The following SLC23A1 variants were observed in gnomAD, a reference collection of about 807,000 sequenced individuals.
The protein encoded by SLC23A1 is Na(+)/L-ascorbic acid transporter 1.
In SLC23A1, 31 loss-of-function variants were observed where a neutral mutation model predicts 62.5. The ratio of observed to expected loss-of-function variants is 0.50; its 90% CI spans 0.37 to 0.67. The LOEUF (loss-of-function observed/expected upper bound fraction) is 0.67. Among genes scored for constraint, SLC23A1 ranks in the 30% least tolerant of loss-of-function variants. The pLI, the probability that SLC23A1 is intolerant of heterozygous loss-of-function variation, is 0.00. For synonymous variants in SLC23A1, 271 were observed against 313.2 expected (o/e 0.87, Z 1.42); for missense variants, 640 against 782.7 (o/e 0.82, Z 2.18).
rs745598635 is a variant in SLC23A1 at position 139,378,089 on chromosome 5, G to C, written c.1339C>G (p.Leu447Val). 3 of 1,614,232 alleles carry C rather than the reference G, an allele frequency of 1.9e-6. No homozygotes were observed. Among genetic ancestry groups the C allele is most frequent in the South Asian group, 2.2e-5 (2 of 91,082 alleles). ...GAGGAGTTCATGTCCACAAATTGCAGGTTGGACAGCCCCACAGCTGTAATC... is the reference window on the plus strand; with the variant it reads ...GAGGAGTTCATGTCCACAAATTGCACGTTGGACAGCCCCACAGCTGTAATC... ...GMITAVGLSN[L>V]QFVDMNSSRN... is the part of the protein sequence containing the mutation. The change falls in exon 12 of 15, where the codon CTG becomes GTG. Residue 447 changes from leucine to valine, a missense_variant. Transcript: ENST00000348729. The surrounding 1 kb of genome is among the most constrained non-coding windows in gnomAD (Gnocchi z 4.5).
chr5:139,375,419 T>C (rs896940559), intron 13 of SLC23A1, among the ~76,000 whole-genome samples: 5 of 152,134 alleles, frequency 3.3e-5, no homozygotes, highest in Non-Finnish European at 7.4e-5. Context: ...TACTCTCAGC[T>C]CTTCAGGAGG....
upstream of SLC23A1, among the ~76,000 whole-genome samples, chr5:139,384,932 G>A (rs1403598912): frequency 6.6e-6 from 1 of 152,168 alleles, no homozygotes; most frequent in Non-Finnish European, 1.5e-5. Context: ...GGCAGGTCCT[G>A]GAACAGGTGA....
Position 139,377,383 on chromosome 5 carries a change from TC to T in SLC23A1, c.1549+18del. On this transcript the variant is annotated intron_variant, in intron 13 of 14. Coordinates refer to ENST00000348729, the MANE Select transcript of SLC23A1 (RefSeq NM_005847.5). ...AGTCCAGCCTAGTTCTTCATTCCCCTCCCAGGACCGAACCATACCTGGCACT... is the reference window on the plus strand; with the variant it reads ...AGTCCAGCCTAGTTCTTCATTCCCCTCCAGGACCGAACCATACCTGGCACT... 1 of 1,419,998 alleles carries T rather than the reference TC, an allele frequency of 7.0e-7. No individual in the cohort carries two copies. The highest frequency in any genetic ancestry group is 1.0e-6 in the Non-Finnish European group (1 of 1,002,842). 88.0% of individuals were successfully genotyped at this position (1,419,998 alleles called of 1,614,324 possible).
Position 139,378,829 on chromosome 5 carries a change from A to T in SLC23A1, c.1074-145T>A. ...CTCCCTACTACAGGCCAGAATGCTC[A>T]GGCTCCAGAGCTAGTCCTAGTGCCC... On this transcript the variant is annotated intron_variant, in intron 9 of 14. Transcript: ENST00000348729. This position sits in a 1 kb window ranked among gnomAD's most constrained non-coding sequence, Gnocchi z 4.5. The T allele has an allele frequency of 4.5e-6, 3 of 663,448 alleles. No homozygotes were observed. Among genetic ancestry groups the T allele is most frequent in the Non-Finnish European group, 5.3e-6 (2 of 375,768 alleles). 41.1% of individuals were successfully genotyped at this position (663,448 alleles called of 1,614,324 possible).
At chr5:139,370,470 CTTTATTTATTTATTTATTTATTTATTTA>C (rs70982775) in intron 14 of SLC23A1, among the ~76,000 whole-genome samples, 1 of 140,200 alleles carries the variant, frequency 7.1e-6, no homozygotes, top group South Asian at 2.4e-4. Context: ...CGCACCCAGC[CTTTATTTATTTATTTATTTATTTATTTA>C]TTTATTTATT....
In SLC23A1 at chr5:139,378,736, G is replaced by T; in HGVS notation, c.1074-52C>A. ...TGGTCCAGCCTCTGCACCAGTCTGT[G>T]TTCCCCCATCATCTTAGCAAGCTGC... On this transcript the variant is annotated intron_variant, in intron 9 of 14. Transcript: ENST00000348729. This position sits in a 1 kb window ranked among gnomAD's most constrained non-coding sequence, Gnocchi z 4.5. 1.5e-6 allele frequency: 2 copies of T among 1,353,668 alleles called. No homozygotes were observed. The highest frequency in any genetic ancestry group is 1.4e-5 in the African/African-American group (1 of 69,506). The allele number at this position is 1,353,668 out of a possible 1,614,324, so 83.9% of individuals were successfully genotyped here. A position where few individuals can be genotyped will look rare whatever the true frequency, so the allele number is the denominator to read the frequency against.
At chr5:139,384,410 C>T (rs1160719676), upstream of SLC23A1, 21 of 1,289,708 alleles carry the variant, frequency 1.6e-5, no homozygotes, top group Non-Finnish European at 2.1e-5. Context: ...CAAGGGGCAG[C>T]ACCGCTCTCC....
At chr5:139,368,356 A>C (rs114317449) in intron 14 of SLC23A1, among the ~76,000 whole-genome samples, 21 of 151,404 alleles carry the variant, frequency 1.4e-4, no homozygotes, top group South Asian at 6.3e-4. Flanking sequence ...AAAAAACTAA[A>C]TAAATAAATA....
In SLC23A1 at chr5:139,372,215, C is replaced by G; in HGVS notation, c.1588G>C (p.Gly530Arg). ...GACATGTCACTGTTGGCATGAGCCCCAGCTTTCCACTGTATCAGACCACGC... is the reference window on the plus strand; with the variant it reads ...GACATGTCACTGTTGGCATGAGCCCGAGCTTTCCACTGTATCAGACCACGC... ...EERGLIQWKA[G>R]AHANSDMSSS... The change falls in exon 14 of 15, where the codon GGG (glycine) becomes CGG (arginine). Residue 530 changes from glycine to arginine, a missense_variant. Physicochemically the swap from Gly to Arg is moderately radical, Grantham distance 125. Transcript: ENST00000348729. 1.2e-6 allele frequency: 2 copies of G among 1,613,824 alleles called. No homozygotes were observed. The highest frequency in any genetic ancestry group is 1.7e-6 in the Non-Finnish European group (2 of 1,179,700).
At position 139,367,474 on chromosome 5, in the gene SLC23A1, C is replaced by G. The variant is rs1187695078; in HGVS notation, c.*177G>C. ...GACTCAGACTTTGGCCCATTCCCCC[C>G]CACCCCTTTTTTTTTAACTGATGCA... On this transcript the variant is annotated 3_prime_UTR_variant, in exon 15 of 15. Coordinates refer to ENST00000348729, the MANE Select transcript of SLC23A1 (RefSeq NM_005847.5). 6.6e-6 allele frequency: 1 copy of G among 152,052 alleles called. No homozygotes were observed. The highest frequency in any genetic ancestry group is 1.9e-4 in the East Asian group (1 of 5,186). 9.4% of individuals were successfully genotyped at this position (152,052 alleles called of 1,614,324 possible). A position where few individuals can be genotyped will look rare whatever the true frequency, so the allele number is the denominator to read the frequency against.
At chr5:139,369,144 A>G (rs1161255679) in intron 14 of SLC23A1, 4 of 171,876 alleles carry the variant, frequency 2.3e-5, no homozygotes, top group African/African-American at 9.5e-5. Flanking sequence ...CTTTAAAATC[A>G]GTACATTTAA....
At position 139,383,247 on chromosome 5, in the gene SLC23A1, C is replaced by T; in HGVS notation, c.7G>A (p.Ala3Thr). The T allele has an allele frequency of 6.5e-7, 1 of 1,534,514 alleles. No individual in the cohort carries two copies. The highest frequency in any genetic ancestry group is 1.1e-5 in the South Asian group (1 of 87,898). The change falls in exon 1 of 15, where the codon GCC becomes ACC. Residue 3 changes from alanine to threonine, a missense_variant. Ala to Thr is a moderately conservative substitution (Grantham distance 58). Transcript: ENST00000348729. MR[A>T]QEDLEGRTQH... Reference sequence around the variant, plus strand: ...GTCCGGCCCTCGAGGTCCTCCTGGGCCCTCATCTTTGGGGCACAGGTTTGA... The same window carrying T: ...GTCCGGCCCTCGAGGTCCTCCTGGGTCCTCATCTTTGGGGCACAGGTTTGA...
At position 139,368,531 on chromosome 5, in the gene SLC23A1, AAAAAG is replaced by A. The variant is rs139381490; in HGVS notation, c.*20-905_*20-901del. On this transcript the variant is annotated intron_variant, in intron 14 of 14. Coordinates refer to ENST00000348729, the MANE Select transcript of SLC23A1 (RefSeq NM_005847.5). ...GCGACAGAGCAAGACTCCGTCACAA[AAAAAG>A]AAAAGAAAAAGTTGATGTAATTTAA... 9.7e-3 allele frequency among the ~76,000 whole-genome samples: 1,484 copies of A among 152,254 alleles called. 13 individuals carry two copies. The highest frequency in any genetic ancestry group is 0.041 in the Middle Eastern group (12 of 294).
chr5:139,385,566 T>C (rs1758483907), upstream of SLC23A1, among the ~76,000 whole-genome samples: 1 of 152,154 alleles, frequency 6.6e-6, no homozygotes. Flanking sequence ...ACAGTTTTCC[T>C]TGGTTCTCTT....
chr5:139,371,860 C>T (rs1290675374), intron 14 of SLC23A1, 127 bp downstream of exon 14: 1 of 754,266 alleles, frequency 1.3e-6, no homozygotes, highest in Admixed American at 2.3e-5. Flanking sequence ...ACCCAGCTCA[C>T]CTTCTCTTTG....
chr5:139,377,905 TGAGG>T, intron 12 of SLC23A1, 66 bp downstream of exon 12: 1 of 1,496,124 alleles, frequency 6.7e-7, no homozygotes, highest in Non-Finnish European at 9.1e-7. Flanking sequence ...GTGGAGCCTT[TGAGG>T]GAGGGGGCTG....
intron 14 of SLC23A1, among the ~76,000 whole-genome samples, chr5:139,370,470 CTTTATTTATTTATTTA>C (rs70982775): frequency 5.7e-5 from 8 of 140,290 alleles, no homozygotes; most frequent in East Asian, 4.3e-4. Context: ...CGCACCCAGC[CTTTATTTATTTATTTA>C]TTTATTTATT....
chr5:139,373,091 A>G (rs1443015610), intron 13 of SLC23A1, among the ~76,000 whole-genome samples: 3 of 152,180 alleles, frequency 2.0e-5, no homozygotes, highest in African/African-American at 7.2e-5. Context: ...CATTTTTATA[A>G]TACAAACTTC....
chr5:139,376,706 G>A (rs1415592730), intron 13 of SLC23A1, among the ~76,000 whole-genome samples: 3 of 152,182 alleles, frequency 2.0e-5, no homozygotes, highest in Non-Finnish European at 2.9e-5. Context: ...TCTTCTAGTC[G>A]CCATTGTGGC....
Sources: gnomAD v4.1 joint callset for allele counts (sites outside exome capture counted in the v4.1 genomes callset) on GRCh38, gnomAD v4.1.1 for gene constraint, Gnocchi (gnomAD v3.1) non-coding constraint, MANE v1.5 for transcripts, NCBI Gene and HGNC (gene_info 2026-07-23, HGNC 2026-07-21) for gene names.